Variants in GABRG1 observed in about 807,000 individuals in gnomAD.
GABRG1 encodes gamma-aminobutyric acid type A receptor subunit gamma1, also known as gamma-aminobutyric acid receptor subunit gamma-1.
A neutral mutation model predicts 49.8 loss-of-function variants in GABRG1; 49 were observed. That is an observed-to-expected ratio of 0.98 (90% confidence interval 0.78 to 1.25). The LOEUF is 1.25. Among genes scored for constraint, GABRG1 ranks in the 50% most tolerant of loss-of-function variants. GABRG1 has a pLI of 0.00. For missense variants in GABRG1, 552 were observed against 552.3 expected (o/e 1.00, Z 0.01); for synonymous variants, 232 against 185.1 (o/e 1.25, Z -2.06).
rs1718073120 is a variant in GABRG1, at chr4:46,048,142, GT to G, written c.1131+3281del. On this transcript the variant is annotated intron_variant, in intron 8 of 8. Coordinates refer to ENST00000295452, the MANE Select transcript of GABRG1 (RefSeq NM_173536.4). The stretch of plus-strand genomic sequence containing the variant: ...GCTAGTTTATTACTAGTGCCTTTCG[GT>G]TTATTACTAGTGGCTTTATCTGTTG... Among the ~76,000 whole-genome samples the G allele has an allele frequency of 4.6e-5, 7 of 152,038 alleles. No individual in the cohort carries two copies. The South Asian group carries it at 1.5e-3, about 32-fold the overall frequency.
At chr4:46,097,780 C>T (rs1226958616) in intron 1 of GABRG1, among the ~76,000 whole-genome samples, 1 of 151,160 alleles carries the variant, frequency 6.6e-6, no homozygotes, top group African/African-American at 2.4e-5. Flanking sequence ...GTAAAATGTA[C>T]AAAAAATGGA....
At chr4:46,088,502 A>G (rs2109425642) in intron 2 of GABRG1, among the ~76,000 whole-genome samples, 1 of 152,024 alleles carries the variant, frequency 6.6e-6, no homozygotes, top group East Asian at 2.0e-4. Flanking sequence ...ATCACCAATC[A>G]CAATGTTGCT....
At chr4:46,073,151 G>T (rs1360567215) in intron 3 of GABRG1, among the ~76,000 whole-genome samples, 2 of 151,814 alleles carry the variant, frequency 1.3e-5, no homozygotes, top group Non-Finnish European at 2.9e-5. Flanking sequence ...ATATATATTT[G>T]ATAGCCTTTC....
chr4:46,051,496 G>T lies in GABRG1; in HGVS notation c.1059C>A (p.Thr353=). 1 of 1,611,062 alleles carries T rather than the reference G, an allele frequency of 6.2e-7. No individual in the cohort carries two copies. The highest frequency in any genetic ancestry group is 8.5e-7 in the Non-Finnish European group (1 of 1,178,360). ...FVFAALMEYG[T]LHYFTSNQKG... ...TTTGGTTGCTGGTAAAATAATGCAA[G>T]GTTCCATATTCCATCAAGGCTGCAA... The change falls in exon 8 of 9, where the codon ACC becomes ACA. Residue 353 remains threonine, a synonymous_variant. Transcript: ENST00000295452.
chr4:46,051,703 T>A, intron 7 of GABRG1, 65 bp from the exon 8 acceptor site: 1 of 1,000,200 alleles, frequency 1.0e-6, no homozygotes, highest in Non-Finnish European at 1.5e-6. Context: ...TTCCATCTGA[T>A]TTGGCAATAT....
chr4:46,066,358 AAACT>A (rs1718921774), intron 3 of GABRG1, among the ~76,000 whole-genome samples: 1 of 152,214 alleles, frequency 6.6e-6, no homozygotes, highest in South Asian at 2.1e-4. Flanking sequence ...AAGCAACCAC[AAACT>A]AACTTACTGA....
At chr4:46,061,627 A>G (rs926195526) in intron 5 of GABRG1, among the ~76,000 whole-genome samples, 2 of 151,930 alleles carry the variant, frequency 1.3e-5, no homozygotes, top group African/African-American at 4.8e-5. Context: ...AAATTAATAT[A>G]GCTCTGGAAA....
chr4:46,089,949 A>T (rs1010873666), intron 2 of GABRG1, among the ~76,000 whole-genome samples: 15 of 152,156 alleles, frequency 9.9e-5, no homozygotes, highest in Admixed American at 9.8e-4. Flanking sequence ...GGATGACAGC[A>T]TGAGACCATG....
chr4:46,044,874 T>C (rs1717930083), intron 8 of GABRG1, among the ~76,000 whole-genome samples: 1 of 152,118 alleles, frequency 6.6e-6, no homozygotes, highest in African/African-American at 2.4e-5. Flanking sequence ...ACTTTCACTA[T>C]CCTAGGAGAA....
intron 3 of GABRG1, among the ~76,000 whole-genome samples, chr4:46,076,930 TA>T (rs1719364907): frequency 6.6e-6 from 1 of 151,732 alleles, no homozygotes; most frequent in Non-Finnish European, 1.5e-5. Context: ...TAATGGTGGC[TA>T]AAATATTTAA....
intron 8 of GABRG1, among the ~76,000 whole-genome samples, chr4:46,049,422 G>T (rs1024021874): frequency 7.9e-5 from 12 of 151,820 alleles, no homozygotes; most frequent in African/African-American, 2.9e-4. Flanking sequence ...AGCTCATAAA[G>T]CACATAATTG....
intron 3 of GABRG1, among the ~76,000 whole-genome samples, chr4:46,080,501 A>T (rs1719523373): frequency 6.6e-6 from 1 of 151,750 alleles, no homozygotes; most frequent in Non-Finnish European, 1.5e-5. Flanking sequence ...TTTTAGTATC[A>T]CTAGTTTCAA....
chr4:46,066,823 GAAAT>G (rs1718935484), intron 3 of GABRG1, among the ~76,000 whole-genome samples: 1 of 150,826 alleles, frequency 6.6e-6, no homozygotes. Flanking sequence ...TAGAGGAAAG[GAAAT>G]AAATATACAT....
chr4:46,099,800 T>C (rs1452521019), intron 1 of GABRG1, among the ~76,000 whole-genome samples: 1 of 151,656 alleles, frequency 6.6e-6, no homozygotes, highest in Non-Finnish European at 1.5e-5. Flanking sequence ...AAACCCATGG[T>C]CCTTCTACTA....
intron 3 of GABRG1, among the ~76,000 whole-genome samples, chr4:46,073,040 C>A (rs950080062): frequency 6.6e-6 from 1 of 151,820 alleles, no homozygotes; most frequent in African/African-American, 2.4e-5. Context: ...CAAGAGTTGT[C>A]ATATGCCATA....
chr4:46,091,905 A>G (rs1392512601), intron 2 of GABRG1, among the ~76,000 whole-genome samples: 3 of 152,068 alleles, frequency 2.0e-5, no homozygotes, highest in Non-Finnish European at 4.4e-5. Flanking sequence ...ATCAAAGACT[A>G]AGAAAATGTT....
At chr4:46,075,965 A>G (rs1343885977) in intron 3 of GABRG1, among the ~76,000 whole-genome samples, 1 of 152,000 alleles carries the variant, frequency 6.6e-6, no homozygotes, top group Non-Finnish European at 1.5e-5. Flanking sequence ...GTGGAGTGGC[A>G]GAGTGGTGAG....
chr4:46,042,737 A>G (rs534047644), intron 8 of GABRG1, among the ~76,000 whole-genome samples: 112 of 152,110 alleles, frequency 7.4e-4, no homozygotes, highest in African/African-American at 1.9e-3. Context: ...AATCCAGTAG[A>G]TGCAAAAGGA....
At chr4:46,064,751 A>G (rs909553586) in intron 4 of GABRG1, among the ~76,000 whole-genome samples, 4 of 152,124 alleles carry the variant, frequency 2.6e-5, no homozygotes, top group African/African-American at 9.6e-5. Context: ...TTACCTCTGT[A>G]TACATTTCAA....
Sources: allele counts gnomAD v4.1 joint callset (sites outside exome capture counted in the v4.1 genomes callset), GRCh38; gene constraint gnomAD v4.1.1; transcripts MANE v1.5; gene names NCBI Gene and HGNC (gene_info 2026-07-23, HGNC 2026-07-21).